The following ANKRD30B variants were observed in gnomAD, a reference collection of about 807,000 sequenced individuals.
The protein encoded by ANKRD30B is ankyrin repeat domain-containing protein 30B.
A neutral mutation model predicts 202.2 loss-of-function variants in ANKRD30B; 144 were observed. The ratio of observed to expected loss-of-function variants is 0.71; its 90% CI spans 0.62 to 0.82. The LOEUF (loss-of-function observed/expected upper bound fraction) is 0.82. ANKRD30B is among the 40% of genes least tolerant of loss of function. The probability of loss-of-function intolerance (pLI) is 0.00; values close to 1 mark genes in which losing one functional copy is unlikely to be tolerated. For synonymous variants in ANKRD30B, 508 were observed against 561.3 expected (o/e 0.91, Z 1.34); for missense variants, 1,487 against 1,669.1 (o/e 0.89, Z 1.90).
the ANKRD30B span, among the ~76,000 whole-genome samples, chr18:14,937,736 T>C: frequency 6.6e-6 from 1 of 152,246 alleles, no homozygotes; most frequent in African/African-American, 2.4e-5. Context: ...CTTCTGTTGC[T>C]TTGCCTTTCG....
At chr18:14,866,014 T>C in the ANKRD30B span, among the ~76,000 whole-genome samples, 1 of 152,198 alleles carries the variant, frequency 6.6e-6, no homozygotes, top group East Asian at 1.9e-4. Context: ...GACTTTGTTA[T>C]CATGTTCTGA....
In ANKRD30B at chr18:14,852,291, A is replaced by G; in HGVS notation, c.4347A>G (p.Thr1449=). 2 of 1,544,888 alleles carry G rather than the reference A, an allele frequency of 1.3e-6. No homozygotes were observed. The highest frequency in any genetic ancestry group is 1.7e-6 in the Non-Finnish European group (2 of 1,145,032). Reference sequence around the variant, plus strand: ...AGAAAGTTAACAAAAGCAAGGTAACAATTAATATTCAGTTTCCTGAGATGA... The same window carrying G: ...AGAAAGTTAACAAAAGCAAGGTAACGATTAATATTCAGTTTCCTGAGATGA... ...AHKKVNKSKV[T]INIQFPEMKM... The change falls in exon 42 of 44, where the codon ACA becomes ACG. Residue 1449 remains threonine, a synonymous_variant. Transcript: ENST00000690538.
intron 7 of ANKRD30B, among the ~76,000 whole-genome samples, chr18:14,764,861 A>C (rs1430131661): frequency 1.3e-5 from 2 of 152,192 alleles, no homozygotes; most frequent in Admixed American, 1.3e-4. Context: ...ATTATACCAC[A>C]TGCTCATTTC....
intron 8 of ANKRD30B, 89 bp from the exon 9 acceptor site, chr18:14,772,067 T>A: frequency 1.3e-6 from 1 of 752,710 alleles, no homozygotes; most frequent in Non-Finnish European, 2.0e-6. Flanking sequence ...GTTTTCATTT[T>A]ATAGAGTGAG....
At chr18:14,861,630 A>G in the ANKRD30B span, among the ~76,000 whole-genome samples, 3 of 150,712 alleles carry the variant, frequency 2.0e-5, no homozygotes, top group African/African-American at 7.3e-5. Flanking sequence ...TAGAATAAAT[A>G]TTACTAGACC....
At chr18:14,873,922 T>G in the ANKRD30B span, among the ~76,000 whole-genome samples, 1 of 152,094 alleles carries the variant, frequency 6.6e-6, no homozygotes, top group African/African-American at 2.4e-5. Context: ...CTTCTTAACC[T>G]GCCAGCACTT....
the ANKRD30B span, chr18:14,877,810 A>G: frequency 2.0e-5 from 3 of 152,182 alleles, no homozygotes; most frequent in African/African-American, 7.2e-5. Context: ...GAATATGTGG[A>G]AATTCTCCTG....
At position 14,837,403 on chromosome 18, in the gene ANKRD30B, A is replaced by C. The variant is rs1403201995; in HGVS notation, c.2926+114A>C. 6 of 987,690 alleles carry C rather than the reference A, an allele frequency of 6.1e-6. No individual in the cohort carries two copies. The East Asian group carries it at 1.1e-4, about 18-fold the overall frequency. 61.2% of individuals were successfully genotyped at this position (987,690 alleles called of 1,614,324 possible). A position where few individuals can be genotyped will look rare whatever the true frequency, so the allele number is the denominator to read the frequency against. ...TATATAGAAAACAATTTTTTAGCCC[A>C]AAATACAATGTCTACTTAAAAAAGT... On this transcript the variant is annotated intron_variant, in intron 35 of 43. Coordinates refer to ENST00000690538, the MANE Select transcript of ANKRD30B (RefSeq NM_001367607.2).
intron 8 of ANKRD30B, among the ~76,000 whole-genome samples, chr18:14,770,294 A>G (rs1598593066): frequency 6.6e-6 from 1 of 152,194 alleles, no homozygotes; most frequent in South Asian, 2.1e-4. Flanking sequence ...GCTAATCAAA[A>G]TACTTTCATA....
chr18:14,940,141 G>A, the ANKRD30B span, among the ~76,000 whole-genome samples: 6 of 152,246 alleles, frequency 3.9e-5, no homozygotes, highest in African/African-American at 1.4e-4. Context: ...CCAGGGTGAG[G>A]TCCATGGATC....
At chr18:14,899,662 G>A in the ANKRD30B span, among the ~76,000 whole-genome samples, 2 of 152,098 alleles carry the variant, frequency 1.3e-5, no homozygotes, top group Non-Finnish European at 2.9e-5. Flanking sequence ...TATTTATTGA[G>A]TGTTTATTGC....
At chr18:14,818,000 G>C (rs377518097) in intron 30 of ANKRD30B, among the ~76,000 whole-genome samples, 1 of 152,036 alleles carries the variant, frequency 6.6e-6, no homozygotes, top group Non-Finnish European at 1.5e-5. Context: ...TCTCTGAAGG[G>C]AAACAGCATA....
chr18:14,905,085 A>C, the ANKRD30B span, among the ~76,000 whole-genome samples: 1 of 152,360 alleles, frequency 6.6e-6, no homozygotes, highest in East Asian at 1.9e-4. Context: ...CACTAGCACC[A>C]GGACAGTTTA....
At chr18:14,776,735 T>A (rs1237256625) in intron 9 of ANKRD30B, among the ~76,000 whole-genome samples, 1 of 152,254 alleles carries the variant, frequency 6.6e-6, no homozygotes. Flanking sequence ...TGAAGTTGTG[T>A]ATTAAGAATG....
At chr18:14,770,146 A>C (rs1966901745) in intron 8 of ANKRD30B, among the ~76,000 whole-genome samples, 1 of 151,558 alleles carries the variant, frequency 6.6e-6, no homozygotes, top group African/African-American at 2.4e-5. Flanking sequence ...CTTTTCTATA[A>C]TCCTTTCCTG....
At chr18:14,883,385 CT>C in the ANKRD30B span, 1 of 96,628 alleles carries the variant, frequency 1.0e-5, no homozygotes. Context: ...CTCTCTCTCT[CT>C]CTCTCTCTCT....
chr18:14,790,202 G>T (rs1174480053), intron 15 of ANKRD30B, among the ~76,000 whole-genome samples: 1 of 152,046 alleles, frequency 6.6e-6, no homozygotes, highest in Non-Finnish European at 1.5e-5. Context: ...GTCTGTTATT[G>T]GTGTGTAAGA....
chr18:14,757,007 T>C (rs1914472979), intron 4 of ANKRD30B, among the ~76,000 whole-genome samples: 1 of 152,254 alleles, frequency 6.6e-6, no homozygotes, highest in African/African-American at 2.4e-5. Flanking sequence ...TTTTAGGTTA[T>C]CCCTATGTGA....
chr18:14,875,934 C>T, the ANKRD30B span, among the ~76,000 whole-genome samples: 2 of 152,116 alleles, frequency 1.3e-5, no homozygotes, highest in African/African-American at 2.4e-5. Flanking sequence ...AACACAATCC[C>T]TGCTACATCA....
Sources: gnomAD v4.1 joint callset for allele counts (sites outside exome capture counted in the v4.1 genomes callset) on GRCh38, gnomAD v4.1.1 for gene constraint, MANE v1.5 for transcripts, NCBI Gene and HGNC (gene_info 2026-07-23, HGNC 2026-07-21) for gene names.